Variants in SNX25 observed in about 807,000 individuals in gnomAD.
SNX25 encodes the protein sorting nexin 25.
A neutral mutation model predicts 113.7 loss-of-function variants in SNX25; 62 were observed. The ratio of observed to expected loss-of-function variants is 0.55; its 90% CI spans 0.44 to 0.67. The LOEUF (loss-of-function observed/expected upper bound fraction) is 0.67, where lower values mean the gene tolerates loss of function less well. Ranked by LOEUF, SNX25 falls within the 30% of genes least tolerant of loss-of-function variation. SNX25 has a pLI of 0.00. For synonymous variants in SNX25, 421 were observed against 436.2 expected, an observed-to-expected ratio of 0.97 and a Z score of 0.43; for missense variants, 1,014 against 1,161.0, an observed-to-expected ratio of 0.87 and a Z score of 1.84.
intron 2 of SNX25, among the ~76,000 whole-genome samples, chr4:185,256,615 C>G (rs1257739049): frequency 2.0e-5 from 3 of 147,718 alleles, no homozygotes; most frequent in African/African-American, 7.3e-5. Flanking sequence ...AGAGAGCTCA[C>G]CTAAATTTCT....
At chr4:185,223,275 A>G (rs1169913788) in intron 1 of SNX25, among the ~76,000 whole-genome samples, 1 of 152,248 alleles carries the variant, frequency 6.6e-6, no homozygotes, top group Non-Finnish European at 1.5e-5. Flanking sequence ...TCTCTTTAAA[A>G]AAAAAAGTTT....
At chr4:185,368,795 GTTTT>G (rs34691416), downstream of SNX25, among the ~76,000 whole-genome samples, 1 of 133,084 alleles carries the variant, frequency 7.5e-6, no homozygotes, top group Non-Finnish European at 1.6e-5. Context: ...AATCTGTTTT[GTTTT>G]TTTTTTTTTT....
chr4:185,365,308 T>A (rs1049386882), downstream of SNX25: 3 of 152,184 alleles, frequency 2.0e-5, no homozygotes, highest in African/African-American at 7.2e-5. Flanking sequence ...GTTTAAAAAG[T>A]GCTCTTTACT....
At chr4:185,239,973 C>T (rs1314616238) in intron 1 of SNX25, among the ~76,000 whole-genome samples, 65 of 150,342 alleles carry the variant, frequency 4.3e-4, no homozygotes, top group African/African-American at 1.5e-3. Context: ...TGACTCTTAA[C>T]GAGCATGCTT....
chr4:185,242,730 T>G (rs1034846094), intron 1 of SNX25, among the ~76,000 whole-genome samples: 9 of 152,032 alleles, frequency 5.9e-5, no homozygotes, highest in Non-Finnish European at 1.2e-4. Context: ...GGGAGGGTCC[T>G]AAGACCCACA....
downstream of SNX25, chr4:185,370,511 C>G (rs980330025): frequency 5.5e-5 from 48 of 878,488 alleles, no homozygotes; most frequent in South Asian, 8.3e-4. Context: ...CTGACAGCTT[C>G]TCTGTAGACA....
At position 185,339,449 on chromosome 4, in the gene SNX25, C is replaced by G; in HGVS notation, c.1985C>G (p.Ala662Gly). 6.2e-7 allele frequency: 1 copy of G among 1,614,086 alleles called. No homozygotes were observed. The highest frequency in any genetic ancestry group is 8.5e-7 in the Non-Finnish European group (1 of 1,179,970). Residue 662 changes from alanine (A) to glycine (G), a missense_variant, in exon 11 of 19, where the codon GCA becomes GGA. Ala to Gly is a moderately conservative substitution (Grantham distance 60, BLOSUM62 0). Coordinates refer to ENST00000652585, the MANE Select transcript of SNX25 (RefSeq NM_001378034.2). ...CGCACAGACCTTCAGCTGCACATGG[C>G]AAGAACGGATTGGTGGTGTGAAAAC... Reference protein sequence around the residue: ...KERTDLQLHMARTDWWCENLG... With the variant: ...KERTDLQLHMGRTDWWCENLG...
At chr4:185,300,389 G>C (rs1267060081) in intron 6 of SNX25, among the ~76,000 whole-genome samples, 6 of 144,072 alleles carry the variant, frequency 4.2e-5, no homozygotes, top group Non-Finnish European at 9.1e-5. Flanking sequence ...AACTGGTCTT[G>C]AATTCCTGAC....
Position 185,219,651 on chromosome 4 carries a change from ATCT to A in SNX25, c.429+9401_429+9403del, listed in dbSNP as rs1182651297. 4.6e-5 allele frequency among the ~76,000 whole-genome samples: 7 copies of A among 152,296 alleles called. No homozygotes were observed. The South Asian group carries it at 8.3e-4, about 18-fold the overall frequency. The stretch of plus-strand genomic sequence containing the variant: ...TCCTTGCATCTCCTGTGAAGGCAGC[ATCT>A]TCTTTTTTCTTGTGGCTTCTCTCCA... On this transcript the variant is annotated intron_variant, in intron 1 of 18. Coordinates refer to ENST00000652585, the MANE Select transcript of SNX25 (RefSeq NM_001378034.2).
At chr4:185,376,733 A>G in the SNX25 span, among the ~76,000 whole-genome samples, 2,018 of 152,338 alleles carry the variant, frequency 0.013, 38 homozygotes, top group African/African-American at 0.046. Context: ...AAGAAAAGTC[A>G]GGTAGCTCCT....
intron 12 of SNX25, 112 bp downstream of exon 12, chr4:185,342,228 G>A: frequency 1.6e-6 from 2 of 1,256,974 alleles, no homozygotes; most frequent in South Asian, 4.1e-5. Context: ...TACTGGCACA[G>A]TGGCATTTTC....
chr4:185,215,772 G>A (rs1172840422), intron 1 of SNX25, among the ~76,000 whole-genome samples: 1 of 151,820 alleles, frequency 6.6e-6, no homozygotes, highest in Non-Finnish European at 1.5e-5. Flanking sequence ...TGTGGTATAA[G>A]CGTTGTTTTA....
chr4:185,233,557 G>A (rs560769983), intron 1 of SNX25, among the ~76,000 whole-genome samples: 1 of 152,016 alleles, frequency 6.6e-6, no homozygotes, highest in East Asian at 1.9e-4. Flanking sequence ...TATTGTCAGG[G>A]TTTTCAGTTA....
In SNX25 at chr4:185,323,703, A is replaced by G; in HGVS notation, c.1652A>G (p.Tyr551Cys). The G allele has an allele frequency of 6.2e-7, 1 of 1,612,096 alleles. No homozygotes were observed. Residue 551 changes from tyrosine (Y) to cysteine (C), a missense_variant, in exon 9 of 19, where the codon TAT becomes TGT. Tyr to Cys is a radical substitution (Grantham distance 194). Coordinates refer to ENST00000652585, the MANE Select transcript of SNX25 (RefSeq NM_001378034.2). Reference protein sequence around the residue: ...EDVYETLKDRYYPSFIVSDLY... With the variant: ...EDVYETLKDRCYPSFIVSDLY... ...GTTTATGAGACCCTAAAGGATAGGTATTACCCTTCATTTATTGTCAGTGAC... is the reference window on the plus strand; with the variant it reads ...GTTTATGAGACCCTAAAGGATAGGTGTTACCCTTCATTTATTGTCAGTGAC...
chr4:185,248,612 C>T (rs1745186895), intron 2 of SNX25, among the ~76,000 whole-genome samples: 1 of 152,088 alleles, frequency 6.6e-6, no homozygotes, highest in Admixed American at 6.6e-5. Flanking sequence ...TAGATTGCAC[C>T]ACCGCACTCC....
At chr4:185,298,688 A>C (rs532501346) in intron 6 of SNX25, among the ~76,000 whole-genome samples, 1 of 152,124 alleles carries the variant, frequency 6.6e-6, no homozygotes, top group East Asian at 1.9e-4. Flanking sequence ...ACTCACCCTG[A>C]TTCCTTGTGC....
downstream of SNX25, among the ~76,000 whole-genome samples, chr4:185,368,795 G>GTTTTTTTTT (rs34691416): frequency 7.5e-6 from 1 of 133,064 alleles, no homozygotes; most frequent in African/African-American, 2.8e-5. Flanking sequence ...AATCTGTTTT[G>GTTTTTTTTT]TTTTTTTTTT....
chr4:185,369,645 G>GCT, intron 11 of SNX25: 1 of 365,060 alleles, frequency 2.7e-6, no homozygotes, highest in Non-Finnish European at 5.3e-6. Context: ...TTGGCTGTGT[G>GCT]CTATGTGTCT....
At chr4:185,236,256 C>T (rs1742618563) in intron 1 of SNX25, among the ~76,000 whole-genome samples, 1 of 152,126 alleles carries the variant, frequency 6.6e-6, no homozygotes, top group Non-Finnish European at 1.5e-5. Flanking sequence ...TATAACTTTT[C>T]CCACCACCCT....
Sources: allele counts gnomAD v4.1 joint callset (sites outside exome capture counted in the v4.1 genomes callset), GRCh38; gene constraint gnomAD v4.1.1; transcripts MANE v1.5; gene names NCBI Gene and HGNC (gene_info 2026-07-23, HGNC 2026-07-21).